Variants in MYO1D observed in about 807,000 individuals in gnomAD.
The protein encoded by MYO1D is myosin ID.
A neutral mutation model predicts 122.0 loss-of-function variants in MYO1D; 83 were observed. The observed-to-expected ratio is 0.68, with a 90% CI of 0.57 to 0.82. The LOEUF (loss-of-function observed/expected upper bound fraction) is 0.82. MYO1D is among the 40% of genes least tolerant of loss of function. The pLI is 0.00. For missense variants in MYO1D, 1,157 were observed against 1,269.5 expected, an observed-to-expected ratio of 0.91 and a Z score of 1.35; for synonymous variants, 464 against 446.9, an observed-to-expected ratio of 1.04 and a Z score of -0.48.
At chr17:32,543,796 C>G (rs1438631913) in intron 21 of MYO1D, among the ~76,000 whole-genome samples, 2 of 151,432 alleles carry the variant, frequency 1.3e-5, no homozygotes, top group Non-Finnish European at 2.9e-5. Context: ...ATACTTAAAT[C>G]TTGCTTTTTT....
intron 1 of MYO1D, among the ~76,000 whole-genome samples, chr17:32,817,892 C>T (rs1598123632): frequency 6.6e-6 from 1 of 151,604 alleles, no homozygotes; most frequent in East Asian, 1.9e-4. Flanking sequence ...TTTGGGAGGC[C>T]GAGGCGGGCG....
chr17:32,755,821 C>T (rs2151013429), intron 10 of MYO1D, 159 bp from the exon 11 acceptor site: 2 of 535,804 alleles, frequency 3.7e-6, no homozygotes, highest in East Asian at 6.2e-5. Flanking sequence ...AGTACACATT[C>T]TAACAGAGGT....
intron 21 of MYO1D, among the ~76,000 whole-genome samples, chr17:32,545,429 C>T (rs2086957770): frequency 6.6e-6 from 1 of 152,164 alleles, no homozygotes; most frequent in South Asian, 2.1e-4. Flanking sequence ...AGTCAGTCCC[C>T]ATTATTAGAT....
intron 14 of MYO1D, among the ~76,000 whole-genome samples, chr17:32,735,606 C>T (rs1200389772): frequency 6.6e-6 from 1 of 152,042 alleles, no homozygotes; most frequent in Non-Finnish European, 1.5e-5. Context: ...TTTTTGTCTG[C>T]TTCATCTATC....
chr17:32,654,531 A>T lies in MYO1D; in HGVS notation c.2436T>A (p.Gly812=). 2.5e-6 allele frequency: 4 copies of T among 1,613,942 alleles called. No homozygotes were observed. Among genetic ancestry groups the T allele is most frequent in the Non-Finnish European group, 3.4e-6 (4 of 1,179,950 alleles). Residue 812 remains glycine, a synonymous_variant, in exon 18 of 22, where the codon GGT becomes GGA. Coordinates refer to ENST00000318217, the MANE Select transcript of MYO1D (RefSeq NM_015194.3). ...AKVAAVEMLK[G]QRADLGLQRA... ...TCTGGAGCCCGAGGTCAGCCCTTTG[A>T]CCCTTCAACATTTCCACGGCTGCAA...
intron 21 of MYO1D, among the ~76,000 whole-genome samples, chr17:32,506,729 C>T (rs947323456): frequency 1.4e-4 from 22 of 152,188 alleles, no homozygotes; most frequent in Non-Finnish European, 1.0e-4. Flanking sequence ...TAACAGATGC[C>T]ATTTAAATCA....
At chr17:32,600,595 T>C (rs1475560946) in intron 21 of MYO1D, among the ~76,000 whole-genome samples, 1 of 152,240 alleles carries the variant, frequency 6.6e-6, no homozygotes, top group African/African-American at 2.4e-5. Context: ...TTAATTCTCA[T>C]GAACCAACCT....
chr17:32,580,408 ATT>A (rs570107348), intron 21 of MYO1D, among the ~76,000 whole-genome samples: 21,153 of 73,924 alleles, frequency 0.29, 2,012 homozygotes, highest in Middle Eastern at 0.33. Flanking sequence ...TATCTGGTGA[ATT>A]TTTTTTTTTT....
intron 21 of MYO1D, among the ~76,000 whole-genome samples, chr17:32,544,911 A>G (rs2086953104): frequency 6.6e-6 from 1 of 152,190 alleles, no homozygotes; most frequent in African/African-American, 2.4e-5. Context: ...ATCTGGTAAA[A>G]TATTTGATAA....
At chr17:32,653,499 G>C (rs1449903990) in intron 19 of MYO1D, among the ~76,000 whole-genome samples, 1 of 151,460 alleles carries the variant, frequency 6.6e-6, no homozygotes, top group Non-Finnish European at 1.5e-5. Flanking sequence ...CCAGTTACTT[G>C]GGAGGCTGAG....
At chr17:32,545,359 C>T (rs1175804614) in intron 21 of MYO1D, among the ~76,000 whole-genome samples, 1 of 152,206 alleles carries the variant, frequency 6.6e-6, no homozygotes, top group Admixed American at 6.5e-5. Flanking sequence ...TGGCAGCACC[C>T]AGGAAACATC....
intron 1 of MYO1D, among the ~76,000 whole-genome samples, chr17:32,789,030 G>A (rs1478416786): frequency 4.6e-5 from 7 of 151,782 alleles, no homozygotes; most frequent in African/African-American, 1.7e-4. Flanking sequence ...TAGCTGTTGT[G>A]AAAGGGACTG....
chr17:32,501,909 T>C (rs910325118), intron 21 of MYO1D, among the ~76,000 whole-genome samples: 20 of 152,214 alleles, frequency 1.3e-4, no homozygotes, highest in Admixed American at 6.5e-5. Context: ...AGACCCTGAC[T>C]TGCAACTGGT....
intron 20 of MYO1D, among the ~76,000 whole-genome samples, chr17:32,610,242 G>A (rs1199943049): frequency 1.3e-5 from 2 of 152,080 alleles, no homozygotes; most frequent in East Asian, 1.9e-4. Context: ...CCCTCTCAGC[G>A]GGTGGGCTTC....
intron 21 of MYO1D, among the ~76,000 whole-genome samples, chr17:32,573,590 G>A (rs561250731): frequency 6.6e-6 from 1 of 151,696 alleles, no homozygotes; most frequent in Non-Finnish European, 1.5e-5. Context: ...TGTGATCACC[G>A]CACACTGCAG....
At chr17:32,776,527 T>A (rs1340413392) in intron 3 of MYO1D, among the ~76,000 whole-genome samples, 4 of 152,238 alleles carry the variant, frequency 2.6e-5, no homozygotes, top group Admixed American at 2.6e-4. Flanking sequence ...GTAATTTTTG[T>A]TTTTCATTTT....
At chr17:32,510,381 G>GT (rs1378167484) in intron 21 of MYO1D, 2 of 152,312 alleles carry the variant, frequency 1.3e-5, no homozygotes, top group African/African-American at 4.8e-5. Context: ...TTCACCACTT[G>GT]TAAGTTTTTC....
intron 8 of MYO1D, 80 bp downstream of exon 8, chr17:32,764,798 C>G: frequency 7.0e-7 from 1 of 1,434,722 alleles, no homozygotes; most frequent in South Asian, 1.2e-5. Flanking sequence ...TCAAGAATGT[C>G]TGAATACATG....
intron 11 of MYO1D, among the ~76,000 whole-genome samples, chr17:32,754,703 G>C (rs1224007902): frequency 6.6e-6 from 1 of 152,156 alleles, no homozygotes; most frequent in Non-Finnish European, 1.5e-5. Flanking sequence ...GAAGGAGCAA[G>C]GGCCTGTTTT....
Sources: allele counts gnomAD v4.1 joint callset (sites outside exome capture counted in the v4.1 genomes callset), GRCh38; gene constraint gnomAD v4.1.1; transcripts MANE v1.5; gene names NCBI Gene and HGNC (gene_info 2026-07-23, HGNC 2026-07-21).